Variants in ARHGEF10L observed in about 807,000 individuals in gnomAD.
ARHGEF10L encodes the protein rho guanine nucleotide exchange factor 10-like protein.
In ARHGEF10L, 69 loss-of-function variants were observed where a neutral mutation model predicts 141.2. That is an observed-to-expected ratio of 0.49 (90% confidence interval 0.40 to 0.60). ARHGEF10L has a LOEUF of 0.60. ARHGEF10L is among the 20% of genes least tolerant of loss of function. ARHGEF10L has a pLI of 0.00. For missense variants in ARHGEF10L, 1,482 were observed against 1,734.3 expected, an observed-to-expected ratio of 0.85 and a Z score of 2.58; for synonymous variants, 711 against 718.5, an observed-to-expected ratio of 0.99 and a Z score of 0.17.
At chr1:17,562,472 T>C (rs971947905) in intron 1 of ARHGEF10L, among the ~76,000 whole-genome samples, 1 of 152,078 alleles carries the variant, frequency 6.6e-6, no homozygotes, top group Non-Finnish European at 1.5e-5. Flanking sequence ...ATCCACCTCA[T>C]AGCGTTGTGA....
chr1:17,530,375 T>C, the ARHGEF10L span, among the ~76,000 whole-genome samples: 1 of 152,192 alleles, frequency 6.6e-6, no homozygotes, highest in Non-Finnish European at 1.5e-5. Flanking sequence ...TTTCTGAGCC[T>C]CAGTTTCCTC....
intron 15 of ARHGEF10L, among the ~76,000 whole-genome samples, 199 bp from the exon 16 acceptor site, chr1:17,632,122 G>T (rs2060728271): frequency 6.6e-6 from 1 of 152,188 alleles, no homozygotes; most frequent in Non-Finnish European, 1.5e-5. Flanking sequence ...TGGCCTCCGA[G>T]AGGAGGCCCC....
intron 26 of ARHGEF10L, among the ~76,000 whole-genome samples, chr1:17,685,156 G>A (rs894059149): frequency 1.3e-5 from 2 of 152,190 alleles, no homozygotes; most frequent in East Asian, 1.9e-4. Flanking sequence ...CTAAGCCCAC[G>A]CGAGGTCTTC....
intron 1 of ARHGEF10L, among the ~76,000 whole-genome samples, chr1:17,563,087 G>A (rs954653680): frequency 6.6e-6 from 1 of 152,262 alleles, no homozygotes; most frequent in Non-Finnish European, 1.5e-5. Context: ...TCTCCTGGGG[G>A]ACGATGAATC....
the ARHGEF10L span, among the ~76,000 whole-genome samples, chr1:17,524,364 T>TACACACACACACACAC: frequency 5.2e-4 from 60 of 116,064 alleles, no homozygotes; most frequent in African/African-American, 8.1e-4. Context: ...ACCCCGTCTC[T>TACACACACACACACAC]ACACACACAC....
intron 27 of ARHGEF10L, among the ~76,000 whole-genome samples, chr1:17,689,363 C>G (rs971568263): frequency 7.9e-5 from 12 of 151,776 alleles, no homozygotes; most frequent in Non-Finnish European, 1.6e-4. Flanking sequence ...GGCAGGGTGG[C>G]AGGTGCCCGA....
rs115644740 is a variant in ARHGEF10L at position 17,662,362 on chromosome 1, G to A, written c.2861-2085G>A. On this transcript the variant is annotated intron_variant, in intron 25 of 28. Transcript: ENST00000361221. ...CCCTGCAACATCCGGAGAAGGGCAG[G>A]CGTGGTTATCATGCCCAGTGTGCAG... Among the ~76,000 whole-genome samples the A allele has an allele frequency of 3.7e-3, 561 of 152,308 alleles. 4 individuals carry two copies. Among genetic ancestry groups the A allele is most frequent in the African/African-American group, 0.013 (527 of 41,576 alleles).
the ARHGEF10L span, among the ~76,000 whole-genome samples, chr1:17,534,386 G>C: frequency 5.9e-5 from 9 of 152,040 alleles, no homozygotes; most frequent in Admixed American, 6.6e-5. Flanking sequence ...GCCTCCCAAA[G>C]TTCTGGGATT....
chr1:17,611,235 A>G (rs2059533153), intron 7 of ARHGEF10L, among the ~76,000 whole-genome samples: 1 of 152,152 alleles, frequency 6.6e-6, no homozygotes. Context: ...ATTATGTGAA[A>G]CTATTTTATG....
chr1:17,524,585 T>C, the ARHGEF10L span, among the ~76,000 whole-genome samples: 1 of 152,092 alleles, frequency 6.6e-6, no homozygotes, highest in Non-Finnish European at 1.5e-5. Flanking sequence ...GAAAATGTTA[T>C]ATATGTGTAT....
intron 1 of ARHGEF10L, among the ~76,000 whole-genome samples, chr1:17,574,947 C>T (rs896544468): frequency 3.9e-5 from 6 of 152,346 alleles, no homozygotes; most frequent in African/African-American, 1.2e-4. Flanking sequence ...CCTCACCTTC[C>T]ATCTGTTCTC....
At chr1:17,637,120 G>A (rs1157836274) in intron 18 of ARHGEF10L, among the ~76,000 whole-genome samples, 1 of 152,142 alleles carries the variant, frequency 6.6e-6, no homozygotes, top group African/African-American at 2.4e-5. Context: ...TCCTGCCAAG[G>A]TCATAAGCTC....
chr1:17,518,333 G>T, the ARHGEF10L span, among the ~76,000 whole-genome samples: 1 of 152,142 alleles, frequency 6.6e-6, no homozygotes, highest in Non-Finnish European at 1.5e-5. Flanking sequence ...TTGAGGGCAG[G>T]GGTTGATTAC....
intron 27 of ARHGEF10L, among the ~76,000 whole-genome samples, chr1:17,693,475 T>A (rs1224452389): frequency 5.9e-5 from 9 of 152,128 alleles, no homozygotes; most frequent in African/African-American, 1.4e-4. Flanking sequence ...AGCCACACCA[T>A]TTCTCTCTGT....
intron 26 of ARHGEF10L, among the ~76,000 whole-genome samples, chr1:17,668,522 A>T (rs1010838879): frequency 1.3e-5 from 2 of 152,236 alleles, no homozygotes; most frequent in Admixed American, 1.3e-4. Flanking sequence ...CGAGGCTGTG[A>T]TGATTTAAGA....
upstream of ARHGEF10L, among the ~76,000 whole-genome samples, chr1:17,537,125 C>T (rs185874056): frequency 3.7e-4 from 57 of 152,144 alleles, no homozygotes; most frequent in Admixed American, 1.6e-3. Context: ...AATGCCTGGC[C>T]TCAAGCAATC....
chr1:17,644,300 A>G lies in ARHGEF10L; in HGVS notation c.2272+3998A>G, dbSNP rs1439137877. 1.3e-5 allele frequency among the ~76,000 whole-genome samples: 2 copies of G among 152,202 alleles called. No individual in the cohort carries two copies. Among genetic ancestry groups the G allele is most frequent in the East Asian group, 3.8e-4 (2 of 5,196 alleles). Reference sequence around the variant, plus strand: ...TGACTCCAGCTGTTGGGTCCTGAGCACAGCCCTGGCAGAGTGTGAAGTGTG... The same window carrying G: ...TGACTCCAGCTGTTGGGTCCTGAGCGCAGCCCTGGCAGAGTGTGAAGTGTG... On this transcript the variant is annotated intron_variant, in intron 21 of 28. Transcript: ENST00000361221. The surrounding 1 kb of genome is among the most constrained non-coding windows in gnomAD (Gnocchi z 4.5).
At chr1:17,571,762 G>A (rs1374224876) in intron 1 of ARHGEF10L, among the ~76,000 whole-genome samples, 2 of 152,162 alleles carry the variant, frequency 1.3e-5, no homozygotes, top group Non-Finnish European at 2.9e-5. Flanking sequence ...TTGGACCTCT[G>A]AGCTCAAGTG....
In ARHGEF10L at chr1:17,573,125, C is replaced by A. The variant is rs1258470397; in HGVS notation, c.-43-7428C>A. On this transcript the variant is annotated intron_variant, in intron 1 of 28. Transcript: ENST00000361221. The surrounding 1 kb of genome is among the most constrained non-coding windows in gnomAD (Gnocchi z 4.8). ...ACCTCCCTTTCCCTGCCTGCCTCAT[C>A]CTCCTGGGGGGCTTTGGGTAGGTCC... Among the ~76,000 whole-genome samples the A allele has an allele frequency of 6.6e-6, 1 of 152,180 alleles. No individual in the cohort carries two copies. The highest frequency in any genetic ancestry group is 1.5e-5 in the Non-Finnish European group (1 of 68,026).
Sources: allele counts gnomAD v4.1 joint callset (sites outside exome capture counted in the v4.1 genomes callset), GRCh38; gene constraint gnomAD v4.1.1; non-coding constraint Gnocchi (gnomAD v3.1); transcripts MANE v1.5; gene names NCBI Gene and HGNC (gene_info 2026-07-23, HGNC 2026-07-21).